ASTE1: variants seen among roughly 807,000 people sequenced by gnomAD.
The protein encoded by ASTE1 is asteroid structure-specific endonuclease 1.
Under a neutral mutation model 45.8 loss-of-function variants are expected in ASTE1, and 49 were observed. That is an observed-to-expected ratio of 1.07 (90% confidence interval 0.85 to 1.36). ASTE1 has a LOEUF of 1.36. ASTE1 is among the 40% of genes most tolerant of loss of function. The probability of loss-of-function intolerance (pLI) is 0.00; values close to 1 mark genes in which losing one functional copy is unlikely to be tolerated. For missense variants in ASTE1, 709 were observed against 804.0 expected (o/e 0.88, Z 1.43); for synonymous variants, 296 against 303.9 (o/e 0.97, Z 0.27).
chr3:131,016,697 T>G, intron 4 of ASTE1: 1 of 326,270 alleles, frequency 3.1e-6, no homozygotes, highest in South Asian at 2.7e-5. Context: ...CTCTTTACTG[T>G]TCTCTTTCAC....
At chr3:131,014,555 G>C (rs2063498655) in intron 5 of ASTE1, among the ~76,000 whole-genome samples, 168 bp from the exon 6 acceptor site, 1 of 152,180 alleles carries the variant, frequency 6.6e-6, no homozygotes, top group Non-Finnish European at 1.5e-5. Context: ...GGAAGGAACT[G>C]AGCTGGTATG....
In ASTE1 at chr3:131,024,857, G is replaced by GT; in HGVS notation, c.449dup (p.Asn150LysfsTer12). On this transcript the variant is annotated frameshift_variant, in exon 3 of 6. Transcript: ENST00000264992. LOFTEE classifies it high-confidence loss of function. Reference sequence around the variant, plus strand: ...ATGATAACACAGGGCAATTCCAATGGTTAGCAAGTGTCATAATGTCCCGAT... The same window carrying GT: ...ATGATAACACAGGGCAATTCCAATGGTTTAGCAAGTGTCATAATGTCCCGAT... The GT allele has an allele frequency of 6.2e-7, 1 of 1,614,106 alleles. No homozygotes were observed. Among genetic ancestry groups the GT allele is most frequent in the East Asian group, 2.2e-5 (1 of 44,878 alleles).
chr3:131,015,289 C>G, intron 5 of ASTE1: 1 of 691,818 alleles, frequency 1.4e-6, no homozygotes, highest in Non-Finnish European at 2.6e-6. Flanking sequence ...CAAGCCCCTC[C>G]CCCCACAGAG....
rs1008419854 is a variant in ASTE1 at position 131,026,807 on chromosome 3, C to G, written c.-447G>C. ...CTCTGCTTTCTCCGCCTACTTGGGT[C>G]GGCGAACACTTCCGCCTTGGTGCCG... On this transcript the variant is annotated 5_prime_UTR_variant, in exon 1 of 6. Transcript: ENST00000264992. 1 of 152,440 alleles carries G rather than the reference C, an allele frequency of 6.6e-6. No individual in the cohort carries two copies. The highest frequency in any genetic ancestry group is 2.4e-5 in the African/African-American group (1 of 41,448). The allele number at this position is 152,440 out of a possible 1,614,324, so 9.4% of individuals were successfully genotyped here.
chr3:131,015,145 T>C (rs1319870230), intron 5 of ASTE1: 19 of 690,058 alleles, frequency 2.8e-5, no homozygotes, highest in Non-Finnish European at 4.5e-5. Flanking sequence ...CCCAGAGATA[T>C]ATTAACAACA....
intron 5 of ASTE1, among the ~76,000 whole-genome samples, chr3:131,015,743 G>T (rs539473824): frequency 1.3e-5 from 2 of 152,226 alleles, no homozygotes; most frequent in East Asian, 3.9e-4. Context: ...AGAGTAACAG[G>T]ACTAGAGTGA....
chr3:131,019,300 T>A (rs555323673), intron 3 of ASTE1, among the ~76,000 whole-genome samples: 2 of 152,204 alleles, frequency 1.3e-5, no homozygotes, highest in African/African-American at 4.8e-5. Flanking sequence ...GAATGCTTTA[T>A]TGTCTTTGCA....
At position 131,024,967 on chromosome 3, in the gene ASTE1, C is replaced by T. The variant is rs79233054; in HGVS notation, c.340G>A (p.Val114Ile). ...ACTTCCCGGATGAGTAAGGGACATA[C>T]GTACCCACTCCCACCAACAGAAAGG... is the stretch of plus-strand genomic sequence containing the variant. ...HSLSVGGSGY[V>I]CPLLIREVFI... is the part of the protein sequence containing the mutation. The change falls in exon 3 of 6, where the codon GTA becomes ATA. Residue 114 changes from valine (V) to isoleucine (I), a missense_variant. Val to Ile is a conservative substitution (Grantham distance 29, BLOSUM62 3). Transcript: ENST00000264992. 3.1e-6 allele frequency: 5 copies of T among 1,606,912 alleles called. No individual in the cohort carries two copies. Among genetic ancestry groups the T allele is most frequent in the East Asian group, 2.2e-5 (1 of 44,832 alleles).
intron 3 of ASTE1, among the ~76,000 whole-genome samples, chr3:131,019,919 T>G (rs1224622228): frequency 6.6e-6 from 1 of 152,218 alleles, no homozygotes; most frequent in Non-Finnish European, 1.5e-5. Context: ...AACTTTATAG[T>G]ATAACCAATT....
At chr3:131,023,274 TG>T (rs1291522503) in intron 3 of ASTE1, among the ~76,000 whole-genome samples, 5 of 152,132 alleles carry the variant, frequency 3.3e-5, no homozygotes, top group Admixed American at 6.5e-5. Context: ...GCATTGCAAT[TG>T]TTTTTTTTTT....
intron 4 of ASTE1, among the ~76,000 whole-genome samples, chr3:131,017,424 A>G (rs963476952): frequency 2.4e-4 from 36 of 152,236 alleles, no homozygotes; most frequent in Non-Finnish European, 5.0e-4. Context: ...ACTACCTGAC[A>G]CTTGAAGTGT....
chr3:131,026,143 TTTTTTGCTATAA>T (rs2063872797), intron 1 of ASTE1: 1 of 152,232 alleles, frequency 6.6e-6, no homozygotes, highest in Non-Finnish European at 1.5e-5. Context: ...GTCATGGATT[TTTTTTGCTATAA>T]TTTTGATTTT....
At chr3:131,018,470 T>C (rs779027365) in intron 4 of ASTE1, 36 bp downstream of exon 4, 2 of 1,586,714 alleles carry the variant, frequency 1.3e-6, no homozygotes, top group Non-Finnish European at 1.7e-6. Flanking sequence ...GCAAGCAACA[T>C]GCCACAATAT....
chr3:131,018,429 TTTTG>T, intron 4 of ASTE1, 73 bp downstream of exon 4: 5 of 1,409,002 alleles, frequency 3.5e-6, no homozygotes, highest in Admixed American at 1.8e-5. Flanking sequence ...AAGAATACTT[TTTTG>T]TTTGTGTAAA....
At chr3:131,022,527 T>C (rs1374790674) in intron 3 of ASTE1, among the ~76,000 whole-genome samples, 1 of 151,930 alleles carries the variant, frequency 6.6e-6, no homozygotes, top group East Asian at 1.9e-4. Context: ...CTTGTTGTGT[T>C]GCCCAGGCTG....
intron 3 of ASTE1, among the ~76,000 whole-genome samples, chr3:131,020,594 C>T (rs2063729970): frequency 6.6e-6 from 1 of 152,212 alleles, no homozygotes; most frequent in Non-Finnish European, 1.5e-5. Context: ...TTATTAACAA[C>T]AGCTGGCCAA....
chr3:131,024,225 T>C lies in ASTE1; in HGVS notation c.1082A>G (p.Gln361Arg). Residue 361 changes from glutamine to arginine, a missense_variant, in exon 3 of 6, where the codon CAG becomes CGG. By Grantham distance (43) the Gln-to-Arg change is conservative. Transcript: ENST00000264992. ...TILPTQVENM[Q>R]QPNAHRISQP... is the part of the protein sequence containing the mutation. ...AGATATTCTGTGGGCATTTGGTTGC[T>C]GCATGTTTTCCACCTGTGTGGGAAG... is the stretch of plus-strand genomic sequence containing the variant. 6.2e-7 allele frequency: 1 copy of C among 1,614,236 alleles called. No homozygotes were observed. The highest frequency in any genetic ancestry group is 1.7e-5 in the Admixed American group (1 of 60,036).
chr3:131,018,282 T>C (rs1429326435), intron 4 of ASTE1, among the ~76,000 whole-genome samples: 1 of 152,238 alleles, frequency 6.6e-6, no homozygotes, highest in Non-Finnish European at 1.5e-5. Flanking sequence ...CACATCTCAC[T>C]GCTGTATACT....
At position 131,020,848 on chromosome 3, in the gene ASTE1, G is replaced by C. The variant is rs78246705; in HGVS notation, c.1303-2132C>G. The stretch of plus-strand genomic sequence containing the variant: ...AAAATTTCACTCTATTTTGAATCCA[G>C]GTAAATGATGAGAACACTTAAGTCA... On this transcript the variant is annotated intron_variant, in intron 3 of 5. Transcript: ENST00000264992. Among the ~76,000 whole-genome samples, 754 of 152,244 alleles carry C rather than the reference G, an allele frequency of 5.0e-3. 11 individuals carry two copies. The highest frequency in any genetic ancestry group is 0.017 in the African/African-American group (719 of 41,544).
Sources: gnomAD v4.1 joint callset for allele counts (sites outside exome capture counted in the v4.1 genomes callset) on GRCh38, gnomAD v4.1.1 for gene constraint, MANE v1.5 for transcripts, NCBI Gene and HGNC (gene_info 2026-07-23, HGNC 2026-07-21) for gene names.